RALYL: variants seen among roughly 807,000 people sequenced by gnomAD.
The protein encoded by RALYL is RALY RNA binding protein like, also known as RNA-binding Raly-like protein.
In RALYL, 29 loss-of-function variants were observed where a neutral mutation model predicts 35.1. That is an observed-to-expected ratio of 0.83 (90% CI 0.61 to 1.13). The LOEUF (loss-of-function observed/expected upper bound fraction) is 1.13, where lower values mean the gene tolerates loss of function less well. Ranked by LOEUF, RALYL falls within the 50% of genes most tolerant of loss-of-function variation. The probability of loss-of-function intolerance (pLI) is 0.00; values close to 1 mark genes in which losing one functional copy is unlikely to be tolerated. For missense variants in RALYL, 359 were observed against 360.4 expected (o/e 1.00, Z 0.03); for synonymous variants, 120 against 127.6 (o/e 0.94, Z 0.40).
At chr8:84,400,774 G>C (rs537099554) in intron 1 of RALYL, among the ~76,000 whole-genome samples, 1 of 152,118 alleles carries the variant, frequency 6.6e-6, no homozygotes, top group Non-Finnish European at 1.5e-5. Flanking sequence ...AGCTGTGTAG[G>C]CACCATTAGT....
At chr8:84,319,560 T>C (rs1407933354) in intron 1 of RALYL, among the ~76,000 whole-genome samples, 1 of 152,142 alleles carries the variant, frequency 6.6e-6, no homozygotes, top group Non-Finnish European at 1.5e-5. Context: ...TTAAAGTTAT[T>C]GCAGATACCA....
Position 84,876,693 on chromosome 8 carries a change from C to T in RALYL, c.685+3296C>T, listed in dbSNP as rs576645141. Among the ~76,000 whole-genome samples, 458 of 114,150 alleles carry T rather than the reference C, an allele frequency of 4.0e-3. 3 individuals are homozygous for T. Among genetic ancestry groups the T allele is most frequent in the African/African-American group, 0.023 (435 of 19,048 alleles). The allele number at this position is 114,150 out of a possible 152,430, so 74.9% of individuals were successfully genotyped here. On this transcript the variant is annotated intron_variant, in intron 7 of 8. Transcript: ENST00000521268. ...GGCAATTATTAGACATTATTTAGTT[C>T]AATTTTATTCTCACTGTTATTCCTG...
rs192019569 is a variant in RALYL, at chr8:84,613,827, C to T, written c.256+84250C>T. Among the ~76,000 whole-genome samples, 8 of 149,498 alleles carry T rather than the reference C, an allele frequency of 5.4e-5. No homozygotes were observed. The East Asian group carries it at 7.8e-4, about 15-fold the overall frequency. On this transcript the variant is annotated intron_variant, in intron 2 of 8. Transcript: ENST00000521268. ...AAATTATTACTTAAGGTCAGAAATC[C>T]GCAGTTTTTACTTTAAACAATTTTC...
rs187274595 is a variant in RALYL at position 84,579,033 on chromosome 8, G to A, written c.256+49456G>A. ...ACCACCCCTTTCTGCCCAGGAGGCTGTCTGCTTCCTCCCACCATCAACATG... is the reference window on the plus strand; with the variant it reads ...ACCACCCCTTTCTGCCCAGGAGGCTATCTGCTTCCTCCCACCATCAACATG... On this transcript the variant is annotated intron_variant, in intron 2 of 8. Transcript: ENST00000521268. 2.2e-3 allele frequency among the ~76,000 whole-genome samples: 329 copies of A among 152,292 alleles called. 1 individual carries two copies. Among genetic ancestry groups the A allele is most frequent in the Non-Finnish European group, 3.8e-3 (258 of 68,008 alleles).
At chr8:84,195,082 A>G (rs1438145407) in intron 1 of RALYL, among the ~76,000 whole-genome samples, 3 of 152,154 alleles carry the variant, frequency 2.0e-5, no homozygotes, top group African/African-American at 7.2e-5. Context: ...CACAATGCTT[A>G]CATTTAGAAC....
chr8:84,192,620 C>T (rs777894390), intron 1 of RALYL, among the ~76,000 whole-genome samples: 36 of 151,772 alleles, frequency 2.4e-4, no homozygotes, highest in African/African-American at 7.7e-4. Flanking sequence ...TGCAGTGACA[C>T]GATTTCGGCT....
intron 2 of RALYL, among the ~76,000 whole-genome samples, chr8:84,568,184 T>C (rs2061925326): frequency 1.2e-5 from 1 of 85,778 alleles, no homozygotes; most frequent in Admixed American, 1.3e-4. Context: ...ATCTCCCTAA[T>C]GCTATCCCTC....
At chr8:84,328,675 A>G (rs1846269032) in intron 1 of RALYL, among the ~76,000 whole-genome samples, 1 of 152,300 alleles carries the variant, frequency 6.6e-6, no homozygotes, top group Admixed American at 6.5e-5. Flanking sequence ...AGTATATTGC[A>G]GGATGCTAAG....
intron 2 of RALYL, among the ~76,000 whole-genome samples, chr8:84,589,244 C>A (rs574098545): frequency 2.6e-5 from 4 of 152,148 alleles, no homozygotes; most frequent in Non-Finnish European, 5.9e-5. Context: ...AATCTCAATG[C>A]GATGTCTTCC....
At chr8:84,667,006 G>T (rs1435629880) in intron 2 of RALYL, among the ~76,000 whole-genome samples, 1 of 152,060 alleles carries the variant, frequency 6.6e-6, no homozygotes, top group Non-Finnish European at 1.5e-5. Context: ...GTGCAACATT[G>T]TGAGGGTAAA....
At chr8:84,836,727 TAGA>T (rs1832101926) in intron 4 of RALYL, among the ~76,000 whole-genome samples, 1 of 152,216 alleles carries the variant, frequency 6.6e-6, no homozygotes, top group African/African-American at 2.4e-5. Flanking sequence ...TATGATGAAT[TAGA>T]AGAAGGATCC....
chr8:84,651,715 A>T (rs935404594), intron 2 of RALYL, among the ~76,000 whole-genome samples: 1 of 152,092 alleles, frequency 6.6e-6, no homozygotes, highest in African/African-American at 2.4e-5. Context: ...TATATGAAAA[A>T]AACTTAAGAG....
intron 1 of RALYL, among the ~76,000 whole-genome samples, chr8:84,364,073 T>C (rs1853683974): frequency 6.6e-6 from 1 of 152,142 alleles, no homozygotes; most frequent in African/African-American, 2.4e-5. Context: ...TTTGCAAACT[T>C]AGGTATCCCC....
chr8:84,835,683 C>CAAAAA (rs5892932), intron 4 of RALYL, among the ~76,000 whole-genome samples: 3 of 72,552 alleles, frequency 4.1e-5, no homozygotes, highest in African/African-American at 1.6e-4. Flanking sequence ...AACTCCGTCT[C>CAAAAA]AAAAAAAAAA....
At chr8:84,334,049 T>C (rs1382011214) in intron 1 of RALYL, among the ~76,000 whole-genome samples, 1 of 151,898 alleles carries the variant, frequency 6.6e-6, no homozygotes, top group Non-Finnish European at 1.5e-5. Flanking sequence ...ACCACACAGC[T>C]AAATTTGTAT....
At chr8:84,467,895 T>C (rs2051970208) in intron 1 of RALYL, among the ~76,000 whole-genome samples, 1 of 137,294 alleles carries the variant, frequency 7.3e-6, no homozygotes, top group Non-Finnish European at 1.6e-5. Context: ...TACCATTATG[T>C]AATGGCCTTC....
chr8:84,422,154 T>A (rs2045711139), intron 1 of RALYL, among the ~76,000 whole-genome samples: 1 of 141,170 alleles, frequency 7.1e-6, no homozygotes, highest in Non-Finnish European at 1.5e-5. Flanking sequence ...TCTGGTAGAA[T>A]TCGGCTGTGA....
intron 2 of RALYL, among the ~76,000 whole-genome samples, chr8:84,587,492 C>T (rs753434932): frequency 3.9e-5 from 6 of 152,276 alleles, no homozygotes; most frequent in Non-Finnish European, 7.4e-5. Flanking sequence ...CTGGGGAAAT[C>T]TAAGTTAAAC....
intron 8 of RALYL, among the ~76,000 whole-genome samples, chr8:84,905,438 A>G (rs932901021): frequency 6.6e-6 from 1 of 152,148 alleles, no homozygotes; most frequent in Admixed American, 6.5e-5. Flanking sequence ...ATAAACACAC[A>G]GTAGTGGGAT....
Sources: gnomAD v4.1 joint callset for allele counts (sites outside exome capture counted in the v4.1 genomes callset) on GRCh38, gnomAD v4.1.1 for gene constraint, MANE v1.5 for transcripts, NCBI Gene and HGNC (gene_info 2026-07-23, HGNC 2026-07-21) for gene names.